FER1L5: variants seen among roughly 807,000 people sequenced by gnomAD.
FER1L5 encodes the protein fer-1-like protein 5.
Under a neutral mutation model 279.9 loss-of-function variants are expected in FER1L5, and 187 were observed. The observed-to-expected ratio is 0.67, with a 90% CI of 0.59 to 0.75. FER1L5 has a LOEUF of 0.75. Among genes scored for constraint, FER1L5 ranks in the 30% least tolerant of loss-of-function variants. The pLI is 0.00. For missense variants in FER1L5, 2,091 were observed against 2,594.4 expected, an observed-to-expected ratio of 0.81 and a Z score of 4.21; for synonymous variants, 921 against 989.7, an observed-to-expected ratio of 0.93 and a Z score of 1.30.
In FER1L5 at chr2:96,663,472, C is replaced by A; in HGVS notation, c.1105C>A (p.Pro369Thr). ...RTHMQTQTDN[P>T]IWNQILTFRI... ...ACACATGCAGACCCAAACCGACAACCCGATATGGAACCAGATCCTGACCTT... is the reference window on the plus strand; with the variant it reads ...ACACATGCAGACCCAAACCGACAACACGATATGGAACCAGATCCTGACCTT... Residue 369 changes from proline (P) to threonine (T), a missense_variant, in exon 14 of 53, where the codon CCG becomes ACG. Physicochemically the swap from Pro to Thr is conservative, Grantham distance 38. Coordinates refer to ENST00000624922, the MANE Select transcript of FER1L5 (RefSeq NM_001293083.2). The A allele has an allele frequency of 6.4e-7, 1 of 1,551,628 alleles. No individual in the cohort carries two copies. The highest frequency in any genetic ancestry group is 8.7e-7 in the Non-Finnish European group (1 of 1,146,966).
rs1201591601 is a variant in FER1L5, at chr2:96,704,656, T to C, written c.6138T>C (p.Ser2046=). 3 of 1,613,960 alleles carry C rather than the reference T, an allele frequency of 1.9e-6. No homozygotes were observed. Among genetic ancestry groups the C allele is most frequent in the Non-Finnish European group, 2.5e-6 (3 of 1,179,896 alleles). Residue 2046 remains serine (S), a synonymous_variant, in exon 53 of 53, where the codon AGT becomes AGC. Coordinates refer to ENST00000624922, the MANE Select transcript of FER1L5 (RefSeq NM_001293083.2). ...ACCCAGGACCCACAAATCACCTGAG[T>C]GATATTTTCCCAGAACTTCCAGCCC... ...KLHPGPTNHL[S]DIFPELPAPG...
rs918611246 is a variant in FER1L5 at position 96,691,942 on chromosome 2, T to C, written c.3193T>C (p.Phe1065Leu). 2.9e-5 allele frequency: 45 copies of C among 1,534,442 alleles called. No individual in the cohort carries two copies. In the Admixed American group the frequency reaches 8.8e-4, roughly 30 times the overall value. Residue 1065 changes from phenylalanine to leucine, a missense_variant, in exon 30 of 53, where the codon TTC (phenylalanine) becomes CTC (leucine). Transcript: ENST00000624922. The surrounding 1 kb of genome is among the most constrained non-coding windows in gnomAD (Gnocchi z 6.0). ...RQDTRPPNLP[F>L]IYCTFNKPHY... The stretch of plus-strand genomic sequence containing the variant: ...GGACACCCGGCCCCCCAACTTGCCC[T>C]TCATCTACTGCACCTTCAATAGTAA...
At chr2:96,656,589 C>A (rs2075608859) in intron 9 of FER1L5, among the ~76,000 whole-genome samples, 3 of 152,168 alleles carry the variant, frequency 2.0e-5, no homozygotes, top group African/African-American at 7.2e-5. Flanking sequence ...AAGATTTTGC[C>A]ACTGCACTCC....
Position 96,700,365 on chromosome 2 carries a change from C to A in FER1L5, c.4964C>A (p.Pro1655His). 1.2e-6 allele frequency: 2 copies of A among 1,613,672 alleles called. No individual in the cohort carries two copies. Among genetic ancestry groups the A allele is most frequent in the Non-Finnish European group, 1.7e-6 (2 of 1,179,876 alleles). Reference sequence around the variant, plus strand: ...ACCCCTACTGTTCATGGTTTGGGACCCAAGAAGGAACGCCTTGCACTGTAC... The same window carrying A: ...ACCCCTACTGTTCATGGTTTGGGACACAAGAAGGAACGCCTTGCACTGTAC... ...PKTPTVHGLG[P>H]KKERLALYLL... The change falls in exon 45 of 53, where the codon CCC becomes CAC. Residue 1655 changes from proline (P) to histidine (H), a missense_variant. By Grantham distance (77) the Pro-to-His change is moderately conservative. Transcript: ENST00000624922.
At position 96,645,392 on chromosome 2, in the gene FER1L5, T is replaced by C. The variant is rs1370777875; in HGVS notation, c.86-1009T>C. Among the ~76,000 whole-genome samples the C allele has an allele frequency of 2.6e-5, 4 of 152,030 alleles. No individual in the cohort carries two copies. The East Asian group carries it at 5.8e-4, about 22-fold the overall frequency. On this transcript the variant is annotated intron_variant, in intron 1 of 52. Coordinates refer to ENST00000624922, the MANE Select transcript of FER1L5 (RefSeq NM_001293083.2). ...AGGAGAATGAAGAATCTCATGGAAA[T>C]TAAGAACCAGACCTGGCAGTGGCAA... is the stretch of plus-strand genomic sequence containing the variant.
chr2:96,687,429 T>C (rs2076971888), intron 23 of FER1L5, among the ~76,000 whole-genome samples: 1 of 152,252 alleles, frequency 6.6e-6, no homozygotes, highest in South Asian at 2.1e-4. Flanking sequence ...CATGCTGCTC[T>C]GTAGAATGGG....
At chr2:96,693,021 C>CA (rs1171248315) in intron 31 of FER1L5, among the ~76,000 whole-genome samples, 4 of 151,964 alleles carry the variant, frequency 2.6e-5, no homozygotes, top group Non-Finnish European at 1.5e-5. Context: ...ACTAAAAATA[C>CA]AAAAATTAGC....
rs1488215434 is a variant in FER1L5, at chr2:96,694,223, C to T, written c.3637-137C>T. The T allele has an allele frequency of 1.5e-6, 2 of 1,319,972 alleles. No homozygotes were observed. The allele number at this position is 1,319,972 out of a possible 1,614,324, so 81.8% of individuals were successfully genotyped here. On this transcript the variant is annotated intron_variant, in intron 33 of 52. Coordinates refer to ENST00000624922, the MANE Select transcript of FER1L5 (RefSeq NM_001293083.2). The surrounding 1 kb of genome is among the most constrained non-coding windows in gnomAD (Gnocchi z 4.6). The stretch of plus-strand genomic sequence containing the variant: ...GGCTTGGTGACGCTGGCCTGACCAG[C>T]CTCTCCCCTAAGTCCCCCTGCCAGC...
At chr2:96,659,292 T>TCCTTCCTTCCTG (rs2075738291) in intron 9 of FER1L5, among the ~76,000 whole-genome samples, 3 of 19,762 alleles carry the variant, frequency 1.5e-4, no homozygotes, top group African/African-American at 4.5e-4. Flanking sequence ...TATCAAGCTT[T>TCCTTCCTTCCTG]CCTTCCTTCC....
intron 2 of FER1L5, 143 bp from the exon 3 acceptor site, chr2:96,646,921 C>G (rs555651603): frequency 1.2e-6 from 1 of 869,136 alleles, no homozygotes; most frequent in Non-Finnish European, 1.7e-6. Context: ...AACGCCATCT[C>G]CTGAGGAAAT....
At chr2:96,659,302 C>T (rs1428250760) in intron 9 of FER1L5, among the ~76,000 whole-genome samples, 5 of 34,218 alleles carry the variant, frequency 1.5e-4, no homozygotes, top group Admixed American at 4.6e-4. Flanking sequence ...TCCTTCCTTC[C>T]TTCCTTCCTT....
chr2:96,657,317 C>T (rs1193343016), intron 9 of FER1L5, among the ~76,000 whole-genome samples: 4 of 151,924 alleles, frequency 2.6e-5, no homozygotes, highest in African/African-American at 7.3e-5. Flanking sequence ...TCAAGTGATC[C>T]GCCCGCCTCA....
chr2:96,693,577 A>G lies in FER1L5; in HGVS notation c.3364A>G (p.Thr1122Ala). Residue 1122 changes from threonine (T) to alanine (A), a missense_variant, in exon 32 of 53, where the codon ACA (threonine) becomes GCA (alanine). Physicochemically the swap from Thr to Ala is moderately conservative, Grantham distance 58. Transcript: ENST00000624922. ...TQTLRSSAGP[T>A]WAQTLIFQHL... is the part of the protein sequence containing the mutation. ...AACCCTGAGGAGCTCTGCAGGCCCCACATGGGCCCAGACACTCATCTTCCA... is the reference window on the plus strand; with the variant it reads ...AACCCTGAGGAGCTCTGCAGGCCCCGCATGGGCCCAGACACTCATCTTCCA... 1 of 1,551,568 alleles carries G rather than the reference A, an allele frequency of 6.4e-7. No homozygotes were observed. Among genetic ancestry groups the G allele is most frequent in the South Asian group, 1.2e-5 (1 of 84,056 alleles).
rs746419138 is a variant in FER1L5, at chr2:96,700,462, C to T, written c.5061C>T (p.Gly1687=). The part of the protein sequence containing the change: ...TRTLYSHSQP[G]IDQGKVQMWV... ...CACTGTACAGCCACAGCCAGCCAGG[C>T]ATCGACCAGGTATGAGACTGGAGGG... is the stretch of plus-strand genomic sequence containing the variant. Residue 1687 remains glycine (G), a synonymous_variant, in exon 45 of 53, where the codon GGC becomes GGT. Coordinates refer to ENST00000624922, the MANE Select transcript of FER1L5 (RefSeq NM_001293083.2). 1.9e-6 allele frequency: 3 copies of T among 1,613,280 alleles called. No homozygotes were observed. The highest frequency in any genetic ancestry group is 1.7e-6 in the Non-Finnish European group (2 of 1,179,890).
In FER1L5 at chr2:96,702,959, C is replaced by T. The variant is rs1213271415; in HGVS notation, c.5398-19C>T. 6.2e-7 allele frequency: 1 copy of T among 1,604,374 alleles called. No homozygotes were observed. On this transcript the variant is annotated intron_variant, in intron 48 of 52. Coordinates refer to ENST00000624922, the MANE Select transcript of FER1L5 (RefSeq NM_001293083.2). This position sits in a 1 kb window ranked among gnomAD's most constrained non-coding sequence, Gnocchi z 4.0. ...TCCAGGAGACAGGCCGGTAACACGC[C>T]CTTCCGCCATTTCCCCAGGATTACA...
At chr2:96,654,915 AAAAG>A (rs1378811793) in intron 9 of FER1L5, 2 of 152,180 alleles carry the variant, frequency 1.3e-5, no homozygotes, top group Non-Finnish European at 2.9e-5. Flanking sequence ...AAAAAAAAAA[AAAAG>A]AAGAAGAAAG....
intron 44 of FER1L5, 47 bp downstream of exon 44, chr2:96,700,127 G>C: frequency 6.2e-7 from 1 of 1,607,072 alleles, no homozygotes; most frequent in Non-Finnish European, 8.5e-7. Context: ...CAGGCCTCTG[G>C]AAGCTGTGAG....
chr2:96,702,678 C>T lies in FER1L5; in HGVS notation c.5334C>T (p.Asn1778=). The stretch of plus-strand genomic sequence containing the variant: ...CGCTGACTGGGGAGGCCGACTTCAA[C>T]TGGCGGTTCATCTTTACCATGGACT... ...YHSLTGEADF[N]WRFIFTMDYL... Residue 1778 remains asparagine (N), a synonymous_variant, in exon 48 of 53, where the codon AAC becomes AAT. Coordinates refer to ENST00000624922, the MANE Select transcript of FER1L5 (RefSeq NM_001293083.2). The surrounding 1 kb of genome is among the most constrained non-coding windows in gnomAD (Gnocchi z 4.0). The T allele has an allele frequency of 6.2e-7, 1 of 1,612,418 alleles. No individual in the cohort carries two copies. The highest frequency in any genetic ancestry group is 8.5e-7 in the Non-Finnish European group (1 of 1,179,274).
chr2:96,675,312 TCAAAG>T (rs1204362262), intron 19 of FER1L5, among the ~76,000 whole-genome samples: 1 of 152,198 alleles, frequency 6.6e-6, no homozygotes, highest in African/African-American at 2.4e-5. Flanking sequence ...GAAAAGAAAC[TCAAAG>T]CAAAAGTGAT....
Sources: gnomAD v4.1 joint callset for allele counts (sites outside exome capture counted in the v4.1 genomes callset) on GRCh38, gnomAD v4.1.1 for gene constraint, Gnocchi (gnomAD v3.1) non-coding constraint, MANE v1.5 for transcripts, NCBI Gene and HGNC (gene_info 2026-07-23, HGNC 2026-07-21) for gene names.